The following CNTN4 variants were observed in gnomAD, a reference collection of about 807,000 sequenced individuals.
The protein encoded by CNTN4 is contactin 4.
CNTN4 carries 77 observed loss-of-function variants against 122.5 expected under a neutral mutation model. The observed-to-expected ratio is 0.63, with a 90% CI of 0.52 to 0.76. CNTN4 has a LOEUF of 0.76. Ranked by LOEUF, CNTN4 falls within the 30% of genes least tolerant of loss-of-function variation. The probability of loss-of-function intolerance (pLI) is 0.00; values close to 1 mark genes in which losing one functional copy is unlikely to be tolerated. For missense variants in CNTN4, 1,256 were observed against 1,259.1 expected (o/e 1.00, Z 0.04); for synonymous variants, 512 against 447.0 (o/e 1.15, Z -1.83).
At chr3:2,760,851 T>C (rs1299628581) in intron 6 of CNTN4, among the ~76,000 whole-genome samples, 1 of 152,200 alleles carries the variant, frequency 6.6e-6, no homozygotes, top group African/African-American at 2.4e-5. Flanking sequence ...CTTACTCCTT[T>C]TCTCAGGGTC....
Position 2,520,259 on chromosome 3 carries a change from C to CTTTTTTT in CNTN4, c.-88-51132_-88-51126dup, listed in dbSNP as rs397988483. ...AAAAAGATAGGTTGGTGATTGCTTC[C>CTTTTTTT]TTTTTTTTTTTTTTTTTTTTTTTTT... On this transcript the variant is annotated intron_variant, in intron 3 of 24. Coordinates refer to ENST00000418658, the MANE Select transcript of CNTN4 (RefSeq NM_175607.3). 1.5e-3 allele frequency among the ~76,000 whole-genome samples: 111 copies of CTTTTTTT among 74,460 alleles called. 14 individuals are homozygous for CTTTTTTT. The highest frequency in any genetic ancestry group is 0.013 in the Middle Eastern group (1 of 76). 48.8% of individuals were successfully genotyped at this position (74,460 alleles called of 152,430 possible).
chr3:2,383,018 T>C (rs2046086981), intron 3 of CNTN4, among the ~76,000 whole-genome samples: 1 of 151,272 alleles, frequency 6.6e-6, no homozygotes, highest in East Asian at 2.0e-4. Context: ...GAGGTTGCAG[T>C]GAGCCGAGAT....
chr3:2,223,268 G>A (rs924151495), intron 2 of CNTN4, among the ~76,000 whole-genome samples: 2 of 152,110 alleles, frequency 1.3e-5, no homozygotes, highest in Non-Finnish European at 2.9e-5. Flanking sequence ...GTGGGTGTCC[G>A]TGGTGGTAAC....
chr3:2,953,940 GC>G (rs1479054760), intron 13 of CNTN4, among the ~76,000 whole-genome samples: 2 of 152,112 alleles, frequency 1.3e-5, no homozygotes, highest in Admixed American at 6.5e-5. Context: ...AATGTTTAGG[GC>G]CAATTATCTA....
chr3:2,286,857 G>C (rs1034769019), intron 2 of CNTN4, among the ~76,000 whole-genome samples: 1 of 152,150 alleles, frequency 6.6e-6, no homozygotes, highest in East Asian at 1.9e-4. Context: ...AAAAAAAGCC[G>C]GAATGAGTTA....
intron 2 of CNTN4, among the ~76,000 whole-genome samples, chr3:2,320,324 G>A (rs1398739167): frequency 2.0e-5 from 3 of 152,126 alleles, no homozygotes; most frequent in African/African-American, 7.2e-5. Context: ...TTAATAAAAA[G>A]TAATCAAGAT....
At chr3:2,466,306 C>T (rs1463818381) in intron 3 of CNTN4, among the ~76,000 whole-genome samples, 1 of 152,150 alleles carries the variant, frequency 6.6e-6, no homozygotes, top group East Asian at 1.9e-4. Context: ...GCCCCTAAAC[C>T]TAAGACTGTT....
intron 3 of CNTN4, among the ~76,000 whole-genome samples, chr3:2,492,757 G>A (rs1002754067): frequency 2.0e-5 from 3 of 152,146 alleles, no homozygotes; most frequent in Non-Finnish European, 4.4e-5. Context: ...GAGGAATGAA[G>A]CAAATAAACT....
chr3:2,949,782 CT>C (rs987237857), intron 13 of CNTN4, among the ~76,000 whole-genome samples: 1 of 152,136 alleles, frequency 6.6e-6, no homozygotes, highest in Non-Finnish European at 1.5e-5. Flanking sequence ...TTTAACTTTG[CT>C]TTTTTGAAAC....
chr3:2,340,710 T>TATAGAGAGAGAGAGAGAGAGAGAG, intron 3 of CNTN4, among the ~76,000 whole-genome samples: 3 of 18,294 alleles, frequency 1.6e-4, no homozygotes, highest in African/African-American at 3.0e-4. Context: ...TATATATATA[T>TATAGAGAGAGAGAGAGAGAGAGAG]AGAGAGAGAG....
intron 3 of CNTN4, among the ~76,000 whole-genome samples, chr3:2,392,552 G>C (rs1292555531): frequency 6.6e-6 from 1 of 152,056 alleles, no homozygotes; most frequent in African/African-American, 2.4e-5. Context: ...ATGGGGTACA[G>C]TGTGATCTTT....
chr3:2,737,834 G>A (rs1327852653), intron 5 of CNTN4, among the ~76,000 whole-genome samples: 2 of 152,136 alleles, frequency 1.3e-5, no homozygotes, highest in Non-Finnish European at 1.5e-5. Context: ...ATGTGAACAA[G>A]AAATAAGCTT....
intron 3 of CNTN4, among the ~76,000 whole-genome samples, chr3:2,343,223 A>C (rs2044273413): frequency 6.6e-6 from 1 of 151,822 alleles, no homozygotes; most frequent in African/African-American, 2.4e-5. Context: ...CAAAAGGAAA[A>C]CCCCACCTCC....
intron 3 of CNTN4, among the ~76,000 whole-genome samples, chr3:2,563,506 T>C (rs1049919965): frequency 1.3e-5 from 2 of 152,226 alleles, no homozygotes; most frequent in South Asian, 4.1e-4. Context: ...AGTTGTTTTG[T>C]ACTATATTCT....
intron 9 of CNTN4, 107 bp from the exon 10 acceptor site, chr3:2,886,933 A>C: frequency 2.2e-6 from 2 of 910,608 alleles, no homozygotes; most frequent in Admixed American, 2.4e-5. Flanking sequence ...TGAAGTTTGC[A>C]AAACACCCAA....
intron 8 of CNTN4, among the ~76,000 whole-genome samples, chr3:2,868,373 T>C (rs1577098613): frequency 6.6e-6 from 1 of 152,296 alleles, no homozygotes; most frequent in Admixed American, 6.5e-5. Flanking sequence ...CTCACAGTGC[T>C]TCGTTGCATT....
At chr3:2,369,997 C>G (rs1316522472) in intron 3 of CNTN4, among the ~76,000 whole-genome samples, 1 of 152,142 alleles carries the variant, frequency 6.6e-6, no homozygotes, top group Non-Finnish European at 1.5e-5. Context: ...CAAAGAGCCT[C>G]TGAACTCATT....
At chr3:2,405,692 T>C (rs2047012782) in intron 3 of CNTN4, among the ~76,000 whole-genome samples, 1 of 152,090 alleles carries the variant, frequency 6.6e-6, no homozygotes, top group South Asian at 2.1e-4. Flanking sequence ...AAATGAATTA[T>C]AGAAGGAATA....
chr3:2,850,978 A>G (rs2093540052), intron 7 of CNTN4, among the ~76,000 whole-genome samples: 1 of 152,202 alleles, frequency 6.6e-6, no homozygotes, highest in Non-Finnish European at 1.5e-5. Context: ...AGAGAGGAAG[A>G]TAAGCTGTAT....
Sources: allele counts gnomAD v4.1 joint callset (sites outside exome capture counted in the v4.1 genomes callset), GRCh38; gene constraint gnomAD v4.1.1; transcripts MANE v1.5; gene names NCBI Gene and HGNC (gene_info 2026-07-23, HGNC 2026-07-21).